LSAMP: variants seen among roughly 807,000 people sequenced by gnomAD.
LSAMP encodes the protein limbic system associated membrane protein, also known as limbic system-associated membrane protein.
Under a neutral mutation model 38.6 loss-of-function variants are expected in LSAMP, and 7 were observed. The ratio of observed to expected loss-of-function variants is 0.18; its 90% CI spans 0.10 to 0.34. LSAMP has a LOEUF of 0.34. Among genes scored for constraint, LSAMP ranks in the 10% least tolerant of loss-of-function variants. The probability of loss-of-function intolerance (pLI) is 1.00; values close to 1 mark genes in which losing one functional copy is unlikely to be tolerated. For missense variants in LSAMP, 313 were observed against 420.0 expected, an observed-to-expected ratio of 0.75 and a Z score of 2.23; for synonymous variants, 154 against 166.8, an observed-to-expected ratio of 0.92 and a Z score of 0.59.
chr3:115,947,657 C>T (rs1180577618), intron 3 of LSAMP, among the ~76,000 whole-genome samples: 2 of 152,042 alleles, frequency 1.3e-5, no homozygotes, highest in African/African-American at 4.8e-5. Flanking sequence ...TTATTGTATG[C>T]ACATTATAAT....
chr3:116,339,029 T>G (rs2047956834), intron 1 of LSAMP, among the ~76,000 whole-genome samples: 1 of 151,926 alleles, frequency 6.6e-6, no homozygotes, highest in Non-Finnish European at 1.5e-5. Flanking sequence ...AGAAGGAAGC[T>G]CTCAGGATTC....
chr3:115,891,944 A>G (rs1936610800), intron 3 of LSAMP, among the ~76,000 whole-genome samples: 2 of 151,924 alleles, frequency 1.3e-5, no homozygotes, highest in Admixed American at 1.3e-4. Context: ...TTGAATAGGT[A>G]AGTTATTATT....
chr3:116,108,946 C>T (rs1406007923), intron 1 of LSAMP, among the ~76,000 whole-genome samples: 1 of 152,100 alleles, frequency 6.6e-6, no homozygotes, highest in Non-Finnish European at 1.5e-5. Context: ...TAATTAAGTC[C>T]TGTTGTGGGG....
At chr3:116,112,946 A>G (rs1436536667) in intron 1 of LSAMP, among the ~76,000 whole-genome samples, 1 of 151,274 alleles carries the variant, frequency 6.6e-6, no homozygotes, top group Non-Finnish European at 1.5e-5. Context: ...TAATGAGTTC[A>G]AGCTTTTGGA....
In LSAMP at chr3:115,875,688, A is replaced by G. The variant is rs1029940239; in HGVS notation, c.515-23071T>C. Among the ~76,000 whole-genome samples the G allele has an allele frequency of 2.4e-4, 36 of 152,188 alleles. 1 individual carries two copies. Among genetic ancestry groups the G allele is most frequent in the South Asian group, 4.2e-4 (2 of 4,818 alleles). The stretch of plus-strand genomic sequence containing the variant: ...TCGCTAGATTAGGGAAATTGTCCTC[A>G]TTGTTCTTACCTCATTAGCATTATT... On this transcript the variant is annotated intron_variant, in intron 3 of 6. Coordinates refer to ENST00000490035, the MANE Select transcript of LSAMP (RefSeq NM_002338.5).
chr3:116,195,610 T>C (rs1179691316), intron 1 of LSAMP, among the ~76,000 whole-genome samples: 1 of 151,966 alleles, frequency 6.6e-6, no homozygotes, highest in African/African-American at 2.4e-5. Flanking sequence ...AGAAGGAAAG[T>C]TGAAATAGCA....
rs942624685 is a variant in LSAMP, at chr3:115,810,211, G to A, written c.*106C>T. On this transcript the variant is annotated 3_prime_UTR_variant, in exon 7 of 7. Transcript: ENST00000490035. ...AAACACACAAAGTTGTGAAATAAACGGTCTCCCCCATCTCTCTCTCTCTCT... is the reference window on the plus strand; with the variant it reads ...AAACACACAAAGTTGTGAAATAAACAGTCTCCCCCATCTCTCTCTCTCTCT... The A allele has an allele frequency of 2.0e-5, 14 of 693,664 alleles. No individual in the cohort carries two copies. The highest frequency in any genetic ancestry group is 2.6e-5 in the Non-Finnish European group (11 of 420,168). 43.0% of individuals were successfully genotyped at this position (693,664 alleles called of 1,614,324 possible).
chr3:116,171,844 A>T (rs559446846), intron 1 of LSAMP, among the ~76,000 whole-genome samples: 41 of 152,180 alleles, frequency 2.7e-4, no homozygotes, highest in African/African-American at 8.9e-4. Context: ...ATTTATCTCT[A>T]TCTCTTTGGA....
intron 3 of LSAMP, among the ~76,000 whole-genome samples, chr3:115,896,664 A>C (rs1277080363): frequency 1.3e-5 from 2 of 152,252 alleles, no homozygotes; most frequent in East Asian, 3.9e-4. Context: ...AACAATGTAG[A>C]TAATCAATAC....
chr3:116,078,619 C>T (rs1045197307), intron 2 of LSAMP, among the ~76,000 whole-genome samples: 1 of 152,220 alleles, frequency 6.6e-6, no homozygotes, highest in Non-Finnish European at 1.5e-5. Flanking sequence ...AGCCACTGCA[C>T]CCGGCCCTAT....
At chr3:115,839,392 C>G (rs765041244) in intron 6 of LSAMP, among the ~76,000 whole-genome samples, 2 of 150,892 alleles carry the variant, frequency 1.3e-5, no homozygotes, top group African/African-American at 2.4e-5. Flanking sequence ...ATATAAAGTT[C>G]TAGCTATGCA....
chr3:116,315,375 C>T (rs2047615052), intron 1 of LSAMP, among the ~76,000 whole-genome samples: 4 of 152,018 alleles, frequency 2.6e-5, no homozygotes, highest in Admixed American at 2.6e-4. Flanking sequence ...AATTGAGACC[C>T]ACAGCATGTG....
At chr3:115,822,536 T>A (rs767457289) in intron 6 of LSAMP, among the ~76,000 whole-genome samples, 50 of 151,964 alleles carry the variant, frequency 3.3e-4, no homozygotes, top group Admixed American at 5.9e-4. Context: ...AATTTTGTAT[T>A]TTTAGTAGAG....
chr3:116,171,366 G>C (rs1218524035), intron 1 of LSAMP, among the ~76,000 whole-genome samples: 1 of 152,098 alleles, frequency 6.6e-6, no homozygotes, highest in Non-Finnish European at 1.5e-5. Flanking sequence ...CAGGAATATA[G>C]AAACCTCACA....
chr3:116,384,173 T>C (rs1476835427), intron 1 of LSAMP, among the ~76,000 whole-genome samples: 1 of 152,106 alleles, frequency 6.6e-6, no homozygotes, highest in Non-Finnish European at 1.5e-5. Context: ...GTTAAGCAAT[T>C]TAGAAAAAAA....
At chr3:116,402,525 T>A (rs976234302) in intron 1 of LSAMP, among the ~76,000 whole-genome samples, 5 of 152,144 alleles carry the variant, frequency 3.3e-5, no homozygotes, top group Non-Finnish European at 5.9e-5. Context: ...TTTAATTGCT[T>A]ATATAAATAC....
Position 116,267,094 on chromosome 3 carries a change from A to G in LSAMP, c.155+177783T>C, listed in dbSNP as rs78312989. On this transcript the variant is annotated intron_variant, in intron 1 of 6. Transcript: ENST00000490035. ...GGGATTCAAAACTAAGATCTCGTGA[A>G]ACAGAGCAGGAAAAGTAGACTCCCA... 7.4e-4 allele frequency among the ~76,000 whole-genome samples: 112 copies of G among 152,270 alleles called. 1 individual carries two copies. The highest frequency in any genetic ancestry group is 1.2e-3 in the Non-Finnish European group (85 of 68,018).
At chr3:116,008,990 T>C (rs575663846) in intron 3 of LSAMP, among the ~76,000 whole-genome samples, 1 of 152,310 alleles carries the variant, frequency 6.6e-6, no homozygotes, top group Admixed American at 6.5e-5. Flanking sequence ...TCCACAGTGA[T>C]GCCAATTCTG....
intron 6 of LSAMP, among the ~76,000 whole-genome samples, chr3:115,823,248 G>A (rs1934304048): frequency 6.6e-6 from 1 of 152,218 alleles, no homozygotes; most frequent in Non-Finnish European, 1.5e-5. Context: ...AATCCCTTGT[G>A]AGTCAATATT....
Sources: gnomAD v4.1 joint callset for allele counts (sites outside exome capture counted in the v4.1 genomes callset) on GRCh38, gnomAD v4.1.1 for gene constraint, MANE v1.5 for transcripts, NCBI Gene and HGNC (gene_info 2026-07-23, HGNC 2026-07-21) for gene names.